The following FAM107B variants were observed in gnomAD, a reference collection of about 807,000 sequenced individuals.
FAM107B encodes protein FAM107B.
A neutral mutation model predicts 31.5 loss-of-function variants in FAM107B; 21 were observed. That is an observed-to-expected ratio of 0.67 (90% CI 0.47 to 0.96). The LOEUF is 0.96. Among genes scored for constraint, FAM107B ranks in the 40% least tolerant of loss-of-function variants. FAM107B has a pLI of 0.00. For synonymous variants in FAM107B, 157 were observed against 141.5 expected (o/e 1.11, Z -0.78); for missense variants, 452 against 377.1 (o/e 1.20, Z -1.64).
rs147916703 is a variant in FAM107B, at chr10:14,588,293, G to GT, written c.470-57779dup. ...GAGTCAGTCATCACATATTTCAGCT[G>GT]TAAGTAGGAAACAGGAAGCTCACAA... On this transcript the variant is annotated intron_variant, in intron 2 of 4. Transcript: ENST00000181796. Among the ~76,000 whole-genome samples, 1,448 of 152,258 alleles carry GT rather than the reference G, an allele frequency of 9.5e-3. 30 individuals carry two copies. Among genetic ancestry groups the GT allele is most frequent in the African/African-American group, 0.033 (1,369 of 41,532 alleles).
intron 2 of FAM107B, 24 bp downstream of exon 2, chr10:14,667,610 G>C: frequency 6.2e-7 from 1 of 1,612,354 alleles, no homozygotes; most frequent in Non-Finnish European, 8.5e-7. Context: ...GCCTGGAAAA[G>C]GAATCACACA....
Position 14,541,628 on chromosome 10 carries a change from G to T in FAM107B, c.470-11113C>A, listed in dbSNP as rs537561973. Among the ~76,000 whole-genome samples, 12 of 152,268 alleles carry T rather than the reference G, an allele frequency of 7.9e-5. No homozygotes were observed. The East Asian group carries it at 1.9e-3, about 25-fold the overall frequency. On this transcript the variant is annotated intron_variant, in intron 2 of 4. Coordinates refer to ENST00000181796, the MANE Select transcript of FAM107B (RefSeq NM_031453.4). Reference sequence around the variant, plus strand: ...TGGAAGACTCCACTGGACGCCCCTTGCCTCAGGCACTTCCCCGCCTGTGGG... The same window carrying T: ...TGGAAGACTCCACTGGACGCCCCTTTCCTCAGGCACTTCCCCGCCTGTGGG...
At chr10:14,582,135 T>C (rs2131308242) in intron 2 of FAM107B, among the ~76,000 whole-genome samples, 2 of 152,284 alleles carry the variant, frequency 1.3e-5, no homozygotes, top group Middle Eastern at 3.4e-3. Context: ...AGCAGCCTGT[T>C]TGCCATGGGT....
intron 2 of FAM107B, among the ~76,000 whole-genome samples, chr10:14,655,942 A>G (rs1316853944): frequency 1.3e-5 from 2 of 152,184 alleles, no homozygotes; most frequent in Non-Finnish European, 2.9e-5. Context: ...ACAGAGAGGC[A>G]TGCAGGTGCC....
At chr10:14,757,581 G>A (rs1218794100) in intron 1 of FAM107B, among the ~76,000 whole-genome samples, 4 of 152,184 alleles carry the variant, frequency 2.6e-5, no homozygotes, top group Non-Finnish European at 5.9e-5. Flanking sequence ...GAGATTGAGA[G>A]GGCAGTCTGT....
At chr10:14,740,203 C>G (rs1166266875) in intron 1 of FAM107B, among the ~76,000 whole-genome samples, 1 of 152,168 alleles carries the variant, frequency 6.6e-6, no homozygotes, top group African/African-American at 2.4e-5. Context: ...TGGAACCAAC[C>G]AAGATGTCCT....
chr10:14,725,915 TCC>T (rs1397314928), intron 1 of FAM107B, among the ~76,000 whole-genome samples: 1 of 133,206 alleles, frequency 7.5e-6, no homozygotes, highest in Non-Finnish European at 1.5e-5. Context: ...AACCTTCACC[TCC>T]CAGGTTCAAG....
At chr10:14,744,681 T>C (rs1832690623) in intron 1 of FAM107B, among the ~76,000 whole-genome samples, 1 of 152,222 alleles carries the variant, frequency 6.6e-6, no homozygotes, top group Non-Finnish European at 1.5e-5. Context: ...CAGCCTTGCA[T>C]CCCAGGGATG....
intron 2 of FAM107B, among the ~76,000 whole-genome samples, chr10:14,626,227 T>C (rs1002001031): frequency 6.6e-6 from 1 of 151,384 alleles, no homozygotes; most frequent in Non-Finnish European, 1.5e-5. Flanking sequence ...TCTCTTCATA[T>C]AGCATGAGTT....
At chr10:14,723,242 T>A (rs1855954452) in intron 1 of FAM107B, 2 of 531,180 alleles carry the variant, frequency 3.8e-6, no homozygotes, top group Admixed American at 3.9e-5. Flanking sequence ...TCTTCTGTGG[T>A]GGGGCCGAGC....
At position 14,774,707 on chromosome 10, in the gene FAM107B, T is replaced by C; in HGVS notation, c.-44A>G. ...GCAAAGTTCAAACGGGGCAAGGAAA[T>C]TTTCCAGGGGTCCACATCACCTCCA... is the stretch of plus-strand genomic sequence containing the variant. On this transcript the variant is annotated 5_prime_UTR_variant, in exon 1 of 5. Transcript: ENST00000181796. 1 of 1,575,508 alleles carries C rather than the reference T, an allele frequency of 6.3e-7. No individual in the cohort carries two copies. The highest frequency in any genetic ancestry group is 8.6e-7 in the Non-Finnish European group (1 of 1,158,846).
At chr10:14,572,699 G>A (rs187932808) in intron 2 of FAM107B, among the ~76,000 whole-genome samples, 10 of 114,876 alleles carry the variant, frequency 8.7e-5, no homozygotes, top group Non-Finnish European at 1.6e-4. Context: ...TTCAACCTGG[G>A]TAACACAGAG....
At chr10:14,759,468 T>C (rs924028202) in intron 1 of FAM107B, among the ~76,000 whole-genome samples, 3 of 152,306 alleles carry the variant, frequency 2.0e-5, no homozygotes, top group African/African-American at 7.2e-5. Flanking sequence ...CACTTGGTGC[T>C]TACCTCAGTT....
chr10:14,668,702 C>T (rs1404255319), intron 1 of FAM107B, among the ~76,000 whole-genome samples: 3 of 152,132 alleles, frequency 2.0e-5, no homozygotes, highest in Non-Finnish European at 4.4e-5. Context: ...TGATGAGTGT[C>T]TGCTACGGGC....
At chr10:14,526,697 A>G (rs1846270975) in intron 3 of FAM107B, among the ~76,000 whole-genome samples, 1 of 152,258 alleles carries the variant, frequency 6.6e-6, no homozygotes, top group South Asian at 2.1e-4. Context: ...GCTAAAAACC[A>G]GGAACAAGAA....
intron 2 of FAM107B, among the ~76,000 whole-genome samples, chr10:14,653,231 C>G (rs1434610297): frequency 6.6e-6 from 1 of 152,226 alleles, no homozygotes; most frequent in East Asian, 1.9e-4. Context: ...AGTCTTAGAA[C>G]TGTTCTGTTT....
chr10:14,723,410 T>C (rs1488730985), intron 1 of FAM107B: 81 of 552,286 alleles, frequency 1.5e-4, no homozygotes, highest in Non-Finnish European at 6.7e-5. Flanking sequence ...TTCAGCAGCA[T>C]CTGCTCTTCT....
chr10:14,534,986 G>A (rs549450545), intron 2 of FAM107B: 6 of 152,170 alleles, frequency 3.9e-5, no homozygotes, highest in Non-Finnish European at 7.3e-5. Flanking sequence ...GGGGTTGAGC[G>A]GCCAGGTACA....
At chr10:14,570,174 C>T (rs112560735) in intron 2 of FAM107B, among the ~76,000 whole-genome samples, 1 of 151,710 alleles carries the variant, frequency 6.6e-6, no homozygotes, top group African/African-American at 2.4e-5. Flanking sequence ...ATAAGGGTAG[C>T]CCATATTTTT....
Sources: gnomAD v4.1 joint callset for allele counts (sites outside exome capture counted in the v4.1 genomes callset) on GRCh38, gnomAD v4.1.1 for gene constraint, MANE v1.5 for transcripts, NCBI Gene and HGNC (gene_info 2026-07-23, HGNC 2026-07-21) for gene names.